HMGA2: variants seen among roughly 807,000 people sequenced by gnomAD.
HMGA2 encodes the protein high mobility group protein HMGI-C.
Under a neutral mutation model 19.1 loss-of-function variants are expected in HMGA2, and 8 were observed. The ratio of observed to expected loss-of-function variants is 0.42; its 90% CI spans 0.25 to 0.76. The LOEUF (loss-of-function observed/expected upper bound fraction) is 0.76. HMGA2 is among the 30% of genes least tolerant of loss of function. The pLI is 0.28. For synonymous variants in HMGA2, 60 were observed against 48.8 expected (o/e 1.23, Z -0.96); for missense variants, 109 against 136.3 (o/e 0.80, Z 1.00).
intron 3 of HMGA2, among the ~76,000 whole-genome samples, chr12:65,904,949 C>T (rs909272059): frequency 5.3e-5 from 8 of 151,390 alleles, no homozygotes; most frequent in South Asian, 2.1e-4. Flanking sequence ...GGCTGAGGCA[C>T]GAGAATTGCT....
At chr12:65,901,049 A>T (rs1874350320) in intron 3 of HMGA2, among the ~76,000 whole-genome samples, 1 of 152,186 alleles carries the variant, frequency 6.6e-6, no homozygotes, top group Admixed American at 6.5e-5. Flanking sequence ...TATGTGTGGT[A>T]TGCCACCTCC....
chr12:65,839,710 T>C (rs1226294825), intron 3 of HMGA2, among the ~76,000 whole-genome samples: 2 of 152,232 alleles, frequency 1.3e-5, no homozygotes, highest in Non-Finnish European at 2.9e-5. Context: ...TAAGGATATT[T>C]CATTCAACCT....
intron 3 of HMGA2, among the ~76,000 whole-genome samples, chr12:65,918,358 C>T (rs545894934): frequency 1.3e-5 from 2 of 152,188 alleles, no homozygotes; most frequent in South Asian, 4.2e-4. Context: ...AGAAGTGGAG[C>T]TTGGTTAGAA....
chr12:65,898,674 T>C (rs1445534264), intron 3 of HMGA2, among the ~76,000 whole-genome samples: 2 of 152,196 alleles, frequency 1.3e-5, no homozygotes, highest in Non-Finnish European at 2.9e-5. Context: ...GAGCACCTAC[T>C]ATGTCCAGCG....
chr12:65,826,350 TGGG>T (rs1870189962), intron 1 of HMGA2: 2 of 152,316 alleles, frequency 1.3e-5, no homozygotes, highest in South Asian at 4.1e-4. Flanking sequence ...CGCGCAGGGC[TGGG>T]GGTTTTGTTC....
intron 3 of HMGA2, among the ~76,000 whole-genome samples, chr12:65,921,728 C>T (rs1592446885): frequency 6.6e-6 from 1 of 152,216 alleles, no homozygotes; most frequent in East Asian, 1.9e-4. Flanking sequence ...TGTCTCCAGA[C>T]CATGTCAGAG....
intron 3 of HMGA2, chr12:65,859,788 C>A (rs774761968): frequency 3.3e-5 from 6 of 180,510 alleles, no homozygotes; most frequent in Non-Finnish European, 7.3e-5. Flanking sequence ...TATCATCAGT[C>A]AAAAATGCAT....
chr12:65,937,922 T>C (rs1426567164), intron 3 of HMGA2, among the ~76,000 whole-genome samples: 1 of 152,172 alleles, frequency 6.6e-6, no homozygotes, highest in Non-Finnish European at 1.5e-5. Flanking sequence ...GCCAAACCAG[T>C]TGCTACTCTC....
chr12:65,963,094 G>A (rs1291822125), intron 4 of HMGA2, 151 bp from the exon 5 acceptor site: 2 of 691,534 alleles, frequency 2.9e-6, no homozygotes, highest in African/African-American at 3.6e-5. Context: ...GGTTTAAGAA[G>A]CCCTGGGAAT....
intron 3 of HMGA2, among the ~76,000 whole-genome samples, chr12:65,907,454 T>TA (rs1387569358): frequency 6.7e-6 from 1 of 148,642 alleles, no homozygotes; most frequent in Admixed American, 6.7e-5. Flanking sequence ...AGTGCTCTGA[T>TA]AGTCATATGC....
At chr12:65,867,027 G>A in intron 3 of HMGA2, 1 of 447,932 alleles carries the variant, frequency 2.2e-6, no homozygotes, top group East Asian at 7.0e-5. Context: ...AAACACTGCA[G>A]AAGAACAAAG....
Position 65,825,329 on chromosome 12 carries a change from C to T in HMGA2, c.59C>T (p.Ala20Val). Residue 20 changes from alanine (A) to valine (V), a missense_variant, in exon 1 of 5, where the codon GCC (alanine) becomes GTC (valine). Physicochemically the swap from Ala to Val is moderately conservative, Grantham distance 64 (BLOSUM62 0). Transcript: ENST00000403681. The surrounding 1 kb of genome is among the most constrained non-coding windows in gnomAD (Gnocchi z 4.4). ...TCCACTTCAGCCCAGGGACAACCTG[C>T]CGCCCCAGCGCCTCAGAAGAGAGGA... is the stretch of plus-strand genomic sequence containing the variant. ...QPSTSAQGQP[A>V]APAPQKRGRG... is the part of the protein sequence containing the mutation. 6.5e-7 allele frequency: 1 copy of T among 1,538,514 alleles called. No individual in the cohort carries two copies. The highest frequency in any genetic ancestry group is 1.2e-5 in the South Asian group (1 of 83,370).
chr12:65,945,078 T>C (rs771762661), intron 3 of HMGA2, among the ~76,000 whole-genome samples: 37 of 151,946 alleles, frequency 2.4e-4, no homozygotes, highest in Admixed American at 1.4e-3. Flanking sequence ...GAGCTCCAGT[T>C]TTTCGTTGAG....
At chr12:65,892,065 C>T (rs1469572376) in intron 3 of HMGA2, among the ~76,000 whole-genome samples, 2 of 152,220 alleles carry the variant, frequency 1.3e-5, no homozygotes, top group African/African-American at 2.4e-5. Flanking sequence ...GACCGGAGTG[C>T]TCTGCCTCTG....
chr12:65,905,190 A>C (rs951022000), intron 3 of HMGA2, among the ~76,000 whole-genome samples: 1 of 152,016 alleles, frequency 6.6e-6, no homozygotes, highest in African/African-American at 2.4e-5. Flanking sequence ...TATCACACAC[A>C]CACACACACA....
intron 3 of HMGA2, chr12:65,915,377 G>A: frequency 7.6e-7 from 1 of 1,314,216 alleles, no homozygotes; most frequent in Non-Finnish European, 9.8e-7. Context: ...ACTCACTCTA[G>A]GCACATGCAG....
chr12:65,865,341 G>C (rs1872339555), intron 3 of HMGA2, among the ~76,000 whole-genome samples: 1 of 152,206 alleles, frequency 6.6e-6, no homozygotes, highest in South Asian at 2.1e-4. Flanking sequence ...TTGTTGAAGG[G>C]TCAATTGTAT....
intron 3 of HMGA2, among the ~76,000 whole-genome samples, chr12:65,883,636 C>CT (rs35532574): frequency 7.9e-5 from 12 of 151,990 alleles, no homozygotes; most frequent in Non-Finnish European, 1.3e-4. Flanking sequence ...CTATGCACTG[C>CT]TTTTTTTTCA....
At chr12:65,878,786 A>AC (rs1873195375) in intron 3 of HMGA2, among the ~76,000 whole-genome samples, 1 of 152,240 alleles carries the variant, frequency 6.6e-6, no homozygotes, top group Non-Finnish European at 1.5e-5. Flanking sequence ...AATGCAGGTG[A>AC]GATGGCTCAG....
Sources: allele counts gnomAD v4.1 joint callset (sites outside exome capture counted in the v4.1 genomes callset), GRCh38; gene constraint gnomAD v4.1.1; non-coding constraint Gnocchi (gnomAD v3.1); transcripts MANE v1.5; gene names NCBI Gene and HGNC (gene_info 2026-07-23, HGNC 2026-07-21).